TMEM238L: variants seen among roughly 807,000 people sequenced by gnomAD.
The protein encoded by TMEM238L is transmembrane protein 238 like, also known as transmembrane protein 238-like.
chr17:10,798,097 G>A (rs1408656946), intron 1 of TMEM238L, among the ~76,000 whole-genome samples: 1 of 151,762 alleles, frequency 6.6e-6, no homozygotes, highest in Non-Finnish European at 1.5e-5. Flanking sequence ...CTTTTGCCTG[G>A]ACTGCCCCCT....
At chr17:10,796,656 G>C (rs1018256775) in intron 1 of TMEM238L, among the ~76,000 whole-genome samples, 1 of 152,100 alleles carries the variant, frequency 6.6e-6, no homozygotes, top group Non-Finnish European at 1.5e-5. Context: ...GCCTTTTTTT[G>C]ATGGCTTTGA....
chr17:10,803,716 T>A, exon 1 of TMEM238L: 1 of 399,390 alleles, frequency 2.5e-6, no homozygotes, highest in Non-Finnish European at 4.4e-6. Flanking sequence ...CCTCTTCCCA[T>A]GGCCAAATTA....
At chr17:10,796,046 G>T (rs573395935) in intron 1 of TMEM238L, 98 bp from the exon 2 acceptor site, 7 of 152,292 alleles carry the variant, frequency 4.6e-5, no homozygotes, top group Non-Finnish European at 8.8e-5. Context: ...CTTTGGAGTT[G>T]CCAGACGTAG....
intron 1 of TMEM238L, among the ~76,000 whole-genome samples, chr17:10,797,140 C>T (rs1394211524): frequency 2.6e-5 from 4 of 152,202 alleles, no homozygotes; most frequent in Admixed American, 2.6e-4. Flanking sequence ...GTTTTACAAT[C>T]TGGCTCGATC....
intron 1 of TMEM238L, among the ~76,000 whole-genome samples, chr17:10,800,970 C>T (rs953176490): frequency 2.6e-5 from 4 of 152,054 alleles, no homozygotes; most frequent in African/African-American, 7.2e-5. Context: ...ATACTGTGGC[C>T]GGGGTGGTCT....
At chr17:10,798,434 G>T (rs1904626724) in intron 1 of TMEM238L, among the ~76,000 whole-genome samples, 1 of 152,206 alleles carries the variant, frequency 6.6e-6, no homozygotes, top group Non-Finnish European at 1.5e-5. Context: ...GGAGAGGAGG[G>T]CTTTTTACCA....
chr17:10,796,432 C>T (rs1332579310), intron 1 of TMEM238L, among the ~76,000 whole-genome samples: 2 of 152,148 alleles, frequency 1.3e-5, no homozygotes, highest in Non-Finnish European at 2.9e-5. Context: ...GTTCTATATC[C>T]CTTCTCTAAG....
chr17:10,799,625 A>G (rs532516659), intron 1 of TMEM238L, among the ~76,000 whole-genome samples: 4 of 152,330 alleles, frequency 2.6e-5, no homozygotes, highest in African/African-American at 9.6e-5. Context: ...AGCCAGTTAC[A>G]ATCTGCCCGT....
intron 1 of TMEM238L, among the ~76,000 whole-genome samples, chr17:10,797,030 T>C (rs1904570756): frequency 6.6e-6 from 1 of 152,174 alleles, no homozygotes; most frequent in Non-Finnish European, 1.5e-5. Context: ...TAAAACACTA[T>C]CTACAAGAAC....
chr17:10,801,853 C>G (rs1391365311), intron 1 of TMEM238L, among the ~76,000 whole-genome samples: 1 of 152,042 alleles, frequency 6.6e-6, no homozygotes, highest in Non-Finnish European at 1.5e-5. Flanking sequence ...GCAATCTCTG[C>G]TCACTGCAGC....
At chr17:10,801,082 G>T (rs566763700) in intron 1 of TMEM238L, among the ~76,000 whole-genome samples, 11 of 147,798 alleles carry the variant, frequency 7.4e-5, no homozygotes, top group East Asian at 4.0e-4. Context: ...ACGGAGTCTC[G>T]CTCTGTCACC....
rs564648947 is a variant in TMEM238L at position 10,800,587 on chromosome 17, T to C, written c.*118+3019A>G. Among the ~76,000 whole-genome samples, 81 of 152,338 alleles carry C rather than the reference T, an allele frequency of 5.3e-4. No individual in the cohort carries two copies. The South Asian group carries it at 0.014, about 27-fold the overall frequency. On this transcript the variant is annotated intron_variant, in intron 1 of 1. Coordinates refer to ENST00000581851, the Ensembl canonical transcript of TMEM238L. ...CTCTGTAATGTGCTGGCTACCTGCA[T>C]CGTGACTGACGCTTTATTTAGTCAT...
chr17:10,798,888 C>T (rs1458528230), intron 1 of TMEM238L, among the ~76,000 whole-genome samples: 4 of 151,668 alleles, frequency 2.6e-5, no homozygotes, highest in African/African-American at 9.7e-5. Context: ...TCTTTATCTG[C>T]AGGAAATAAC....
Position 10,796,465 on chromosome 17 carries a change from T to C in TMEM238L, c.*119-517A>G, listed in dbSNP as rs187647834. Among the ~76,000 whole-genome samples the C allele has an allele frequency of 5.4e-4, 83 of 152,358 alleles. 2 individuals are homozygous for C. Among genetic ancestry groups the C allele is most frequent in the Non-Finnish European group, 2.1e-4 (14 of 68,032 alleles). On this transcript the variant is annotated intron_variant, in intron 1 of 1. Coordinates refer to ENST00000581851, the Ensembl canonical transcript of TMEM238L. ...AAGAATTCCCACCTTAGCACGGTTATGCCAGCAGGTGACTGCCCTACCCTC... is the reference window on the plus strand; with the variant it reads ...AAGAATTCCCACCTTAGCACGGTTACGCCAGCAGGTGACTGCCCTACCCTC...
At chr17:10,803,834 A>G (rs1904818936) in exon 1 of TMEM238L, 1 of 399,588 alleles carries the variant, frequency 2.5e-6, no homozygotes, top group African/African-American at 2.1e-5. Flanking sequence ...AAGAAGTCCC[A>G]GGAACTCAGG....
At chr17:10,801,199 T>C (rs1447450980) in intron 1 of TMEM238L, among the ~76,000 whole-genome samples, 1 of 152,062 alleles carries the variant, frequency 6.6e-6, no homozygotes, top group African/African-American at 2.4e-5. Flanking sequence ...TACAGGCGCC[T>C]GCCACTGCGC....
chr17:10,801,150 A>T (rs1292023859), intron 1 of TMEM238L, among the ~76,000 whole-genome samples: 2 of 150,914 alleles, frequency 1.3e-5, no homozygotes, highest in African/African-American at 4.9e-5. Flanking sequence ...TCCCGGGTTC[A>T]CGCCATTCTC....
chr17:10,801,439 C>T (rs906212653), intron 1 of TMEM238L, among the ~76,000 whole-genome samples: 1 of 152,196 alleles, frequency 6.6e-6, no homozygotes, highest in African/African-American at 2.4e-5. Context: ...AGCCCTAACC[C>T]TCACCGACAT....
intron 1 of TMEM238L, among the ~76,000 whole-genome samples, chr17:10,803,310 G>A (rs1904802595): frequency 1.3e-5 from 2 of 152,202 alleles, no homozygotes; most frequent in African/African-American, 4.8e-5. Flanking sequence ...CCGAGGTAAA[G>A]GGATAACTTC....
Sources: allele counts gnomAD v4.1 joint callset (sites outside exome capture counted in the v4.1 genomes callset), GRCh38; gene constraint gnomAD v4.1.1; transcripts MANE v1.5; gene names NCBI Gene and HGNC (gene_info 2026-07-23, HGNC 2026-07-21).